Variants in ARHGAP44 observed in about 807,000 individuals in gnomAD.
ARHGAP44 encodes rho GTPase-activating protein 44.
ARHGAP44 carries 43 observed loss-of-function variants against 106.8 expected under a neutral mutation model. That is an observed-to-expected ratio of 0.40 (90% CI 0.32 to 0.52). The LOEUF is 0.52. Ranked by LOEUF, ARHGAP44 falls within the 20% of genes least tolerant of loss-of-function variation. ARHGAP44 has a pLI of 0.48. For synonymous variants in ARHGAP44, 439 were observed against 410.3 expected, an observed-to-expected ratio of 1.07 and a Z score of -0.85; for missense variants, 866 against 1,050.5, an observed-to-expected ratio of 0.82 and a Z score of 2.43.
At chr17:12,828,291 C>T (rs1297634735) in intron 1 of ARHGAP44, among the ~76,000 whole-genome samples, 1 of 151,930 alleles carries the variant, frequency 6.6e-6, no homozygotes, top group Non-Finnish European at 1.5e-5. Flanking sequence ...TAATGAATAT[C>T]CTACAGTTTT....
chr17:12,886,987 T>TTA (rs1555551348), intron 1 of ARHGAP44, among the ~76,000 whole-genome samples: 1 of 149,456 alleles, frequency 6.7e-6, no homozygotes. Context: ...TTTTTTTTTT[T>TTA]ACCATGAATG....
intron 7 of ARHGAP44, chr17:12,929,284 A>G (rs1284011336): frequency 2.6e-6 from 1 of 382,510 alleles, no homozygotes; most frequent in Non-Finnish European, 4.9e-6. Flanking sequence ...CCTGCATGCT[A>G]GGCAAAGAGG....
intron 1 of ARHGAP44, among the ~76,000 whole-genome samples, chr17:12,815,550 T>A (rs1377070308): frequency 6.6e-6 from 1 of 152,148 alleles, no homozygotes; most frequent in Non-Finnish European, 1.5e-5. Flanking sequence ...ATTATGAAAT[T>A]AGAGCCCCCA....
intron 1 of ARHGAP44, among the ~76,000 whole-genome samples, chr17:12,891,856 A>G (rs534794452): frequency 2.4e-4 from 36 of 149,048 alleles, no homozygotes; most frequent in African/African-American, 7.7e-4. Context: ...GTGCAGTGGC[A>G]TGATGTCGGC....
At chr17:12,854,286 T>G (rs2035842189) in intron 1 of ARHGAP44, among the ~76,000 whole-genome samples, 1 of 152,190 alleles carries the variant, frequency 6.6e-6, no homozygotes, top group Admixed American at 6.5e-5. Flanking sequence ...AAGGTTGGCT[T>G]GTACTGAGAG....
chr17:12,966,342 C>T (rs2039391325), intron 16 of ARHGAP44, among the ~76,000 whole-genome samples: 1 of 152,102 alleles, frequency 6.6e-6, no homozygotes, highest in Admixed American at 6.5e-5. Flanking sequence ...GGTCCAGGCC[C>T]CTTATCAGCC....
At chr17:12,877,748 T>TAA (rs957765176) in intron 1 of ARHGAP44, among the ~76,000 whole-genome samples, 10 of 139,076 alleles carry the variant, frequency 7.2e-5, no homozygotes, top group Non-Finnish European at 1.4e-4. Context: ...AGACTCCGTC[T>TAA]AAAAAAAAAA....
chr17:12,889,113 AT>A (rs1263680286), intron 1 of ARHGAP44, among the ~76,000 whole-genome samples: 1 of 151,958 alleles, frequency 6.6e-6, no homozygotes, highest in African/African-American at 2.4e-5. Flanking sequence ...ATTTTTGTTT[AT>A]TTTTTGTTTT....
At chr17:12,833,350 AT>A (rs1411108881) in intron 1 of ARHGAP44, among the ~76,000 whole-genome samples, 1 of 152,034 alleles carries the variant, frequency 6.6e-6, no homozygotes, top group Non-Finnish European at 1.5e-5. Context: ...AATAACCCCC[AT>A]TTTATGGTTG....
intron 1 of ARHGAP44, among the ~76,000 whole-genome samples, chr17:12,802,759 T>C (rs1397496053): frequency 2.4e-5 from 3 of 125,022 alleles, no homozygotes; most frequent in African/African-American, 9.9e-5. Flanking sequence ...ATTTCTTTTT[T>C]TTTTTTTTTT....
At chr17:12,848,122 G>A (rs2035624812) in intron 1 of ARHGAP44, among the ~76,000 whole-genome samples, 1 of 152,184 alleles carries the variant, frequency 6.6e-6, no homozygotes, top group Admixed American at 6.5e-5. Flanking sequence ...CTTAGAATGC[G>A]ATGTTGAATA....
intron 1 of ARHGAP44, among the ~76,000 whole-genome samples, chr17:12,844,531 C>T (rs1351912278): frequency 6.6e-6 from 1 of 152,186 alleles, no homozygotes; most frequent in Admixed American, 6.5e-5. Flanking sequence ...AATGCATTAA[C>T]TATGGGGGAC....
At chr17:12,800,962 A>T (rs2034074363) in intron 1 of ARHGAP44, among the ~76,000 whole-genome samples, 1 of 152,248 alleles carries the variant, frequency 6.6e-6, no homozygotes, top group Non-Finnish European at 1.5e-5. Context: ...ACGTTCATTT[A>T]AGATAATTGA....
At chr17:12,894,879 A>T in intron 1 of ARHGAP44, 61 bp from the exon 2 acceptor site, 1 of 1,446,000 alleles carries the variant, frequency 6.9e-7, no homozygotes, top group East Asian at 2.5e-5. Flanking sequence ...GAGATTAGGG[A>T]GTAATTATGA....
chr17:12,842,414 C>CAAAA (rs558245390), intron 1 of ARHGAP44, among the ~76,000 whole-genome samples: 42 of 55,776 alleles, frequency 7.5e-4, no homozygotes, highest in Non-Finnish European at 1.4e-3. Context: ...GAGACCATCT[C>CAAAA]AAAAAAAAAA....
chr17:12,871,736 A>G (rs1391052013), intron 1 of ARHGAP44, among the ~76,000 whole-genome samples: 2 of 152,104 alleles, frequency 1.3e-5, no homozygotes, highest in Non-Finnish European at 2.9e-5. Flanking sequence ...GTGATAGTGA[A>G]TGAATGAGTT....
rs1383469261 is a variant in ARHGAP44 at position 12,958,816 on chromosome 17, A to T, written c.1442A>T (p.Asp481Val). The change falls in exon 16 of 21, where the codon GAC becomes GTC. Residue 481 changes from aspartate to valine, a missense_variant. Physicochemically the swap from Asp to Val is radical, Grantham distance 152. This residue lies in a region of ARHGAP44 where 448 missense variants were observed against 646.9 expected (regional missense o/e 0.69). Transcript: ENST00000379672. This position sits in a 1 kb window ranked among gnomAD's most constrained non-coding sequence, Gnocchi z 4.1. ...CCCTCCCCAGACATGGACCCTGCTG[A>T]CCGGCGCCAGCCCGAGCAGGCCCGC... ...SMPSPDMDPA[D>V]RRQPEQARRP... 1.4e-5 allele frequency: 22 copies of T among 1,606,998 alleles called. No individual in the cohort carries two copies. The highest frequency in any genetic ancestry group is 1.7e-5 in the Non-Finnish European group (20 of 1,176,964).
intron 1 of ARHGAP44, among the ~76,000 whole-genome samples, chr17:12,879,131 G>T (rs1306619076): frequency 6.6e-6 from 1 of 152,048 alleles, no homozygotes; most frequent in Non-Finnish European, 1.5e-5. Flanking sequence ...TTTCTCACCT[G>T]CCTCTCACCC....
intron 7 of ARHGAP44, among the ~76,000 whole-genome samples, chr17:12,931,841 TACACACACACACACACACACACAC>T (rs10522083): frequency 2.7e-5 from 4 of 146,412 alleles, no homozygotes; most frequent in South Asian, 2.2e-4. Flanking sequence ...ACAGTAGGGA[TACACACACACACACACACACACAC>T]ACACACACAC....
Sources: allele counts gnomAD v4.1 joint callset (sites outside exome capture counted in the v4.1 genomes callset), GRCh38; gene constraint gnomAD v4.1.1; regional missense constraint gnomAD v4.1.1; non-coding constraint Gnocchi (gnomAD v3.1); transcripts MANE v1.5; gene names NCBI Gene and HGNC (gene_info 2026-07-23, HGNC 2026-07-21).